The following PDE7B variants were observed in gnomAD, a reference collection of about 807,000 sequenced individuals.
PDE7B encodes the protein 3',5'-cyclic-AMP phosphodiesterase 7B.
Under a neutral mutation model 56.2 loss-of-function variants are expected in PDE7B, and 29 were observed. That is an observed-to-expected ratio of 0.52 (90% CI 0.38 to 0.70). PDE7B has a LOEUF of 0.70. PDE7B is among the 30% of genes least tolerant of loss of function. The probability of loss-of-function intolerance (pLI) is 0.00; values close to 1 mark genes in which losing one functional copy is unlikely to be tolerated. For missense variants in PDE7B, 490 were observed against 565.0 expected (o/e 0.87, Z 1.35); for synonymous variants, 197 against 196.9 (o/e 1.00, Z 0.00).
At chr6:135,978,992 A>G (rs1159725930) in intron 2 of PDE7B, among the ~76,000 whole-genome samples, 1 of 151,998 alleles carries the variant, frequency 6.6e-6, no homozygotes, top group Admixed American at 6.5e-5. Flanking sequence ...TTGCCCATTC[A>G]GTATGATATT....
At chr6:136,086,371 G>T (rs1276219500) in intron 2 of PDE7B, among the ~76,000 whole-genome samples, 1 of 151,710 alleles carries the variant, frequency 6.6e-6, no homozygotes, top group Non-Finnish European at 1.5e-5. Flanking sequence ...TTTTTGGGGT[G>T]GGGGGGATTT....
chr6:135,986,642 C>G (rs943567255), intron 2 of PDE7B, among the ~76,000 whole-genome samples: 16 of 152,170 alleles, frequency 1.1e-4, no homozygotes, highest in African/African-American at 3.9e-4. Context: ...CTGAAAAATG[C>G]AGGTGTGAGA....
intron 5 of PDE7B, among the ~76,000 whole-genome samples, chr6:136,150,862 T>G (rs999987074): frequency 6.6e-6 from 1 of 151,982 alleles, no homozygotes; most frequent in East Asian, 1.9e-4. Flanking sequence ...CACATGTGTG[T>G]GTGTGTGTAT....
rs1036146153 is a variant in PDE7B at position 136,181,297 on chromosome 6, G to A, written c.1019G>A (p.Arg340Lys). The A allele has an allele frequency of 1.9e-6, 3 of 1,612,418 alleles. No homozygotes were observed. The African/African-American group carries it at 4.0e-5, about 22-fold the overall frequency. Residue 340 changes from arginine (R) to lysine (K), a missense_variant, in exon 11 of 13, where the codon AGG becomes AAG. Physicochemically the swap from Arg to Lys is conservative, Grantham distance 26 (BLOSUM62 2). Coordinates refer to ENST00000308191, the MANE Select transcript of PDE7B (RefSeq NM_018945.4). ...IWEMSKQWSE[R>K]VCEEFYRQGE... is the part of the protein sequence containing the mutation. The stretch of plus-strand genomic sequence containing the variant: ...GAGATGAGCAAGCAGTGGAGTGAAA[G>A]GGTCTGTGAAGAATTCTACAGGCAA...
intron 2 of PDE7B, chr6:136,044,233 G>C (rs145433414): frequency 2.0e-5 from 3 of 152,206 alleles, no homozygotes; most frequent in African/African-American, 7.2e-5. Context: ...ACTTAATTTT[G>C]TTACAATTAG....
At chr6:135,892,746 G>T (rs897368475) in intron 1 of PDE7B, among the ~76,000 whole-genome samples, 5 of 152,152 alleles carry the variant, frequency 3.3e-5, no homozygotes, top group East Asian at 3.9e-4. Context: ...TAGAAGAGAC[G>T]ATTTGAAATG....
chr6:135,941,619 T>C (rs1774507900), intron 1 of PDE7B, among the ~76,000 whole-genome samples: 1 of 152,234 alleles, frequency 6.6e-6, no homozygotes, highest in African/African-American at 2.4e-5. Flanking sequence ...AGCCTAATCC[T>C]CCAATAATTT....
intron 8 of PDE7B, among the ~76,000 whole-genome samples, chr6:136,171,399 A>G (rs1778877727): frequency 6.6e-6 from 1 of 152,176 alleles, no homozygotes; most frequent in African/African-American, 2.4e-5. Context: ...ATTTATTACC[A>G]CAAGCCTATC....
intron 2 of PDE7B, among the ~76,000 whole-genome samples, chr6:136,023,825 G>A (rs1198845593): frequency 6.6e-6 from 1 of 152,102 alleles, no homozygotes; most frequent in Non-Finnish European, 1.5e-5. Flanking sequence ...ACTTTCGGGA[G>A]TTGCTTTAGT....
intron 8 of PDE7B, among the ~76,000 whole-genome samples, chr6:136,163,109 G>A (rs897245048): frequency 6.6e-6 from 1 of 152,216 alleles, no homozygotes; most frequent in South Asian, 2.1e-4. Context: ...TGTACCAGTG[G>A]GGACTCTGTG....
At chr6:135,879,578 C>T (rs1349056410) in intron 1 of PDE7B, among the ~76,000 whole-genome samples, 1 of 152,008 alleles carries the variant, frequency 6.6e-6, no homozygotes, top group Non-Finnish European at 1.5e-5. Flanking sequence ...AACCAATACT[C>T]GTCTCAGTAG....
At chr6:135,928,469 T>TTATATATATATTTATTTATATATA in intron 1 of PDE7B, among the ~76,000 whole-genome samples, 1 of 81,752 alleles carries the variant, frequency 1.2e-5, no homozygotes, top group South Asian at 4.3e-4. Flanking sequence ...ATATATTTAT[T>TTATATATATATTTATTTATATATA]TATATATATA....
At chr6:135,935,190 T>TATATATA (rs1774395141) in intron 1 of PDE7B, among the ~76,000 whole-genome samples, 4 of 36,192 alleles carry the variant, frequency 1.1e-4, no homozygotes, top group South Asian at 1.0e-3. Flanking sequence ...ATATATTTAT[T>TATATATA]TATATATATA....
intron 2 of PDE7B, among the ~76,000 whole-genome samples, chr6:135,999,068 G>T (rs775125317): frequency 1.3e-5 from 2 of 152,158 alleles, no homozygotes; most frequent in Non-Finnish European, 2.9e-5. Flanking sequence ...TAGGCAAAGA[G>T]AGAAGAAATG....
In PDE7B at chr6:135,929,699, T is replaced by C. The variant is rs1774259259; in HGVS notation, c.22-17765T>C. Among the ~76,000 whole-genome samples the C allele has an allele frequency of 2.0e-5, 3 of 152,312 alleles. No homozygotes were observed. The South Asian group carries it at 6.2e-4, about 32-fold the overall frequency. ...AAAGAAGTTAGAGGCCTTCCCTGAT[T>C]TGATACTAGGAAATTCCATCTGTGT... is the stretch of plus-strand genomic sequence containing the variant. On this transcript the variant is annotated intron_variant, in intron 1 of 12. Transcript: ENST00000308191.
chr6:135,943,921 C>G (rs974977558), intron 1 of PDE7B, among the ~76,000 whole-genome samples: 1 of 152,190 alleles, frequency 6.6e-6, no homozygotes, highest in African/African-American at 2.4e-5. Flanking sequence ...CCCTCTGTTG[C>G]TAGCAGAGAT....
chr6:136,152,618 T>C (rs1778539145), intron 6 of PDE7B, among the ~76,000 whole-genome samples: 1 of 152,226 alleles, frequency 6.6e-6, no homozygotes, highest in Non-Finnish European at 1.5e-5. Flanking sequence ...CAGTTCTTAT[T>C]TAAATGTGTG....
At chr6:136,138,323 T>G (rs1583902088) in intron 3 of PDE7B, among the ~76,000 whole-genome samples, 1 of 152,130 alleles carries the variant, frequency 6.6e-6, no homozygotes, top group East Asian at 1.9e-4. Flanking sequence ...AATAATTGAT[T>G]AACACATTTA....
intron 4 of PDE7B, among the ~76,000 whole-genome samples, chr6:136,148,365 G>GAAGGAAAGAAAAGAAAAGAAAGAAGGA: frequency 7.4e-6 from 1 of 135,000 alleles, no homozygotes; most frequent in Non-Finnish European, 1.6e-5. Flanking sequence ...CAAAAAGAAA[G>GAAGGAAAGAAAAGAAAAGAAAGAAGGA]AAGGAAAGAA....
Sources: gnomAD v4.1 joint callset for allele counts (sites outside exome capture counted in the v4.1 genomes callset) on GRCh38, gnomAD v4.1.1 for gene constraint, MANE v1.5 for transcripts, NCBI Gene and HGNC (gene_info 2026-07-23, HGNC 2026-07-21) for gene names.